Variants in SYNE1 observed in about 807,000 individuals in gnomAD.
The protein encoded by SYNE1 is spectrin repeat containing nuclear envelope protein 1, also known as nesprin-1.
Under a neutral mutation model 1,111.0 loss-of-function variants are expected in SYNE1, and 616 were observed. The observed-to-expected ratio is 0.55, with a 90% confidence interval of 0.52 to 0.59. The LOEUF (loss-of-function observed/expected upper bound fraction) is 0.59, where lower values mean the gene tolerates loss of function less well. Among genes scored for constraint, SYNE1 ranks in the 20% least tolerant of loss-of-function variants. The pLI is 0.00. For missense variants in SYNE1, 10,006 were observed against 10,417.0 expected, an observed-to-expected ratio of 0.96 and a Z score of 1.72; for synonymous variants, 3,855 against 3,825.8, an observed-to-expected ratio of 1.01 and a Z score of -0.28.
intron 127 of SYNE1, among the ~76,000 whole-genome samples, chr6:152,191,668 G>A (rs571462887): frequency 9.9e-5 from 15 of 151,902 alleles, no homozygotes; most frequent in Non-Finnish European, 1.9e-4. Flanking sequence ...TCTGGCTAAT[G>A]GTTTGTCAAT....
chr6:152,318,864 T>A lies in SYNE1; in HGVS notation c.16388A>T (p.Lys5463Met), dbSNP rs889398495. 2 of 1,614,000 alleles carry A rather than the reference T, an allele frequency of 1.2e-6. No homozygotes were observed. Among genetic ancestry groups the A allele is most frequent in the Admixed American group, 1.7e-5 (1 of 59,998 alleles). Residue 5463 changes from lysine (K) to methionine (M), a missense_variant and splice_region_variant, in exon 85 of 146, where the codon AAG (lysine) becomes ATG (methionine). Transcript: ENST00000367255. ...DNVVQAKTDQ[K>M]VLGEELDGCN... ...ACCCTTTAAAATTCTACTTCTTACC[T>A]TTTGGTCAGTTTTAGCTTGAACTAC...
In SYNE1 at chr6:152,148,297, C is replaced by T. The variant is rs751624606; in HGVS notation, c.24724G>A (p.Asp8242Asn). ...SAALSDLHWHDRSADSLLSPQ... is the reference protein window; with the variant it reads ...SAALSDLHWHNRSADSLLSPQ... ...GAAAGCAGGCTGTCTGCAGAGCGGT[C>T]GTGCCAGTGCAGGTCCGACAGAGCT... is the stretch of plus-strand genomic sequence containing the variant. Residue 8242 changes from aspartate to asparagine, a missense_variant, in exon 137 of 146, where the codon GAC (aspartate) becomes AAC (asparagine). Asp to Asn is a conservative substitution (Grantham distance 23, BLOSUM62 1). Around this residue, in one of 7 missense-constraint regions of SYNE1, gnomAD observed 761 missense variants for 795.5 expected, o/e 0.96. Transcript: ENST00000367255. This position sits in a 1 kb window ranked among gnomAD's most constrained non-coding sequence, Gnocchi z 4.1. The T allele has an allele frequency of 4.3e-6, 7 of 1,613,736 alleles. No individual in the cohort carries two copies. The Admixed American group carries it at 5.0e-5, about 12-fold the overall frequency.
At chr6:152,273,377 A>T (rs1423993885) in intron 98 of SYNE1, among the ~76,000 whole-genome samples, 1 of 152,160 alleles carries the variant, frequency 6.6e-6, no homozygotes, top group Non-Finnish European at 1.5e-5. Context: ...TTGAGCATTT[A>T]TTGTATTACT....
At chr6:152,166,808 C>T (rs752635382) in intron 130 of SYNE1, among the ~76,000 whole-genome samples, 1 of 152,030 alleles carries the variant, frequency 6.6e-6, no homozygotes, top group Admixed American at 6.6e-5. Flanking sequence ...TGCATGTGTG[C>T]TGGGGGAGCA....
At chr6:152,358,654 G>T in intron 65 of SYNE1, 117 bp from the exon 66 acceptor site, 1 of 963,482 alleles carries the variant, frequency 1.0e-6, no homozygotes. Context: ...ATTAGAATAT[G>T]AGTTATTTCC....
intron 3 of SYNE1, 72 bp downstream of exon 3, chr6:152,628,193 A>G (rs1191277188): frequency 1.3e-6 from 2 of 1,543,794 alleles, no homozygotes; most frequent in African/African-American, 2.7e-5. Context: ...GTAAAACCCC[A>G]AACAAATTTA....
At chr6:152,392,153 T>C (rs1159677594) in intron 51 of SYNE1, among the ~76,000 whole-genome samples, 2 of 152,190 alleles carry the variant, frequency 1.3e-5, no homozygotes, top group Non-Finnish European at 2.9e-5. Context: ...TCTATCGCCA[T>C]GTATGCCGAC....
intron 40 of SYNE1, among the ~76,000 whole-genome samples, chr6:152,417,857 T>G (rs1427465984): frequency 6.6e-6 from 1 of 152,180 alleles, no homozygotes; most frequent in Non-Finnish European, 1.5e-5. Context: ...TTAATTTTTT[T>G]AACTAACAAT....
At chr6:152,267,550 A>G (rs2092824570) in intron 100 of SYNE1, among the ~76,000 whole-genome samples, 1 of 152,212 alleles carries the variant, frequency 6.6e-6, no homozygotes, top group South Asian at 2.1e-4. Context: ...CCTTTTAAAT[A>G]AAAGTCTTCA....
chr6:152,175,786 CA>C (rs1223667224), intron 130 of SYNE1, among the ~76,000 whole-genome samples: 1 of 152,132 alleles, frequency 6.6e-6, no homozygotes, highest in Non-Finnish European at 1.5e-5. Context: ...TAAATACCCT[CA>C]TATATTTTTC....
intron 87 of SYNE1, 82 bp downstream of exon 87, chr6:152,316,767 C>T (rs748754438): frequency 6.5e-6 from 10 of 1,543,804 alleles, no homozygotes; most frequent in African/African-American, 1.4e-5. Flanking sequence ...TACATCACAG[C>T]CCTCTAAGTG....
intron 134 of SYNE1, 121 bp downstream of exon 134, chr6:152,151,838 C>T (rs568584357): frequency 1.3e-5 from 20 of 1,483,748 alleles, no homozygotes; most frequent in African/African-American, 2.8e-5. Context: ...TATCACTCCC[C>T]GGTTTACTCC....
At chr6:152,333,863 C>T (rs1375717185) in intron 77 of SYNE1, 145 bp downstream of exon 77, 1 of 1,094,752 alleles carries the variant, frequency 9.1e-7, no homozygotes, top group African/African-American at 1.6e-5. Context: ...GAACTCCTGA[C>T]CTCAACTAAT....
At chr6:152,563,764 A>G (rs994755727) in intron 3 of SYNE1, among the ~76,000 whole-genome samples, 1 of 152,212 alleles carries the variant, frequency 6.6e-6, no homozygotes, top group African/African-American at 2.4e-5. Context: ...TTAGATCACT[A>G]TTACATAGGC....
At chr6:152,602,795 G>A (rs1047631541) in intron 3 of SYNE1, among the ~76,000 whole-genome samples, 1 of 151,962 alleles carries the variant, frequency 6.6e-6, no homozygotes, top group Non-Finnish European at 1.5e-5. Context: ...AAGGAAAAAA[G>A]AAAGAAAAAA....
intron 100 of SYNE1, among the ~76,000 whole-genome samples, chr6:152,265,692 C>T (rs1198398500): frequency 6.6e-6 from 1 of 152,236 alleles, no homozygotes; most frequent in Admixed American, 6.5e-5. Context: ...GCCTTTTGTT[C>T]CCCATGAAAA....
chr6:152,387,313 A>T lies in SYNE1; in HGVS notation c.8246T>A (p.Met2749Lys). The T allele has an allele frequency of 6.2e-7, 1 of 1,614,200 alleles. No individual in the cohort carries two copies. The change falls in exon 54 of 146, where the codon ATG (methionine) becomes AAG (lysine). Residue 2749 changes from methionine to lysine, a missense_variant. Physicochemically the swap from Met to Lys is moderately conservative, Grantham distance 95. Around this residue, in one of 7 missense-constraint regions of SYNE1, gnomAD observed 4,955 missense variants for 5,017.2 expected, o/e 0.99. Coordinates refer to ENST00000367255, the MANE Select transcript of SYNE1 (RefSeq NM_182961.4). ...VERKNQLEQW[M>K]ESVDQKIEHP... ...TTCTATTTTTTGATCCACTGATTCC[A>T]TCCACTGCTCCAACTGGTTTTTCCT...
chr6:152,307,264 A>C (rs1490366198), intron 91 of SYNE1, among the ~76,000 whole-genome samples: 1 of 152,214 alleles, frequency 6.6e-6, no homozygotes, highest in Non-Finnish European at 1.5e-5. Context: ...ATATAAATGA[A>C]AATTATTAAT....
Position 152,344,111 on chromosome 6 carries a change from T to C in SYNE1, c.12195A>G (p.Pro4065=). Residue 4065 remains proline (P), a synonymous_variant, in exon 74 of 146, where the codon CCA becomes CCG. Coordinates refer to ENST00000367255, the MANE Select transcript of SYNE1 (RefSeq NM_182961.4). ...TAATGGCTTCTGCCCTACTAAGAGG[T>C]GGTTGAGGACTTGGCTCTAAATCCG... The part of the protein sequence containing the change: ...VQPDLEPSPQ[P]PLSRAEAIKQ... 1.2e-6 allele frequency: 2 copies of C among 1,614,078 alleles called. No individual in the cohort carries two copies. The highest frequency in any genetic ancestry group is 4.5e-5 in the East Asian group (2 of 44,864).
Sources: gnomAD v4.1 joint callset for allele counts (sites outside exome capture counted in the v4.1 genomes callset) on GRCh38, gnomAD v4.1.1 for gene constraint, gnomAD v4.1.1 regional missense constraint, Gnocchi (gnomAD v3.1) non-coding constraint, MANE v1.5 for transcripts, NCBI Gene and HGNC (gene_info 2026-07-23, HGNC 2026-07-21) for gene names.